The following LMAN1 variants were observed in gnomAD, a reference collection of about 807,000 sequenced individuals.
The protein encoded by LMAN1 is lectin, mannose binding 1.
A neutral mutation model predicts 67.8 loss-of-function variants in LMAN1; 32 were observed. The ratio of observed to expected loss-of-function variants is 0.47; its 90% CI spans 0.36 to 0.63. LMAN1 has a LOEUF of 0.63. Among genes scored for constraint, LMAN1 ranks in the 30% least tolerant of loss-of-function variants. LMAN1 has a pLI of 0.00. For missense variants in LMAN1, 632 were observed against 628.2 expected (o/e 1.01, Z -0.06); for synonymous variants, 235 against 219.3 (o/e 1.07, Z -0.63).
intron 8 of LMAN1, among the ~76,000 whole-genome samples, chr18:59,339,515 G>C (rs1908239409): frequency 6.6e-6 from 1 of 152,076 alleles, no homozygotes; most frequent in Non-Finnish European, 1.5e-5. Flanking sequence ...AGAAACCTCT[G>C]ACCCACTAGG....
Position 59,354,515 on chromosome 18 carries a change from T to G in LMAN1, c.539+4A>C. 6.9e-7 allele frequency: 1 copy of G among 1,453,320 alleles called. No homozygotes were observed. The highest frequency in any genetic ancestry group is 1.1e-5 in the South Asian group (1 of 87,472). 90.0% of individuals were successfully genotyped at this position (1,453,320 alleles called of 1,614,324 possible). On this transcript the variant is annotated splice_donor_region_variant and intron_variant, in intron 4 of 12. Transcript: ENST00000251047. ...CAGGAGTAATGTAAAAAACACACAC[T>G]TACTTTTGATGGTCATAATGGATTT...
rs545472225 is a variant in LMAN1, at chr18:59,334,633, T to C, written c.1221-1389A>G. On this transcript the variant is annotated intron_variant, in intron 10 of 12. Coordinates refer to ENST00000251047, the MANE Select transcript of LMAN1 (RefSeq NM_005570.4). ...CTAAATGGAAGCAGAGGCCAAAGAA[T>C]ACCAGGAGTGAATGGTGTATCAGAA... is the stretch of plus-strand genomic sequence containing the variant. 3.9e-5 allele frequency among the ~76,000 whole-genome samples: 6 copies of C among 152,292 alleles called. No homozygotes were observed. In the South Asian group the frequency reaches 1.2e-3, roughly 32 times the overall value.
rs567534318 is a variant in LMAN1, at chr18:59,338,834, G to A, written c.1075C>T (p.Gln359Ter). Residue 359 changes from glutamine (Q) to a stop codon, truncating the protein, a stop_gained, in exon 9 of 13, where the codon CAG (glutamine) becomes TAG (stop). Transcript: ENST00000251047. LOFTEE classifies it high-confidence loss of function. Reference protein sequence around the residue: ...NRQLDMILDEQRRYVSSLTEE... With the variant: ...NRQLDMILDE ...GTTAAGGAAGAGACATATCTTCTCT[G>A]TTCATCAAGAATCATATCTAACTGC... The A allele has an allele frequency of 6.2e-7, 1 of 1,613,880 alleles. No homozygotes were observed. Among genetic ancestry groups the A allele is most frequent in the Non-Finnish European group, 8.5e-7 (1 of 1,179,934 alleles).
At chr18:59,331,225 G>T in intron 12 of LMAN1, 96 bp from the exon 13 acceptor site, 2 of 1,140,386 alleles carry the variant, frequency 1.8e-6, no homozygotes, top group African/African-American at 1.5e-5. Flanking sequence ...AATGCCTTTT[G>T]AAGTATACAA....
chr18:59,351,772 A>G (rs1344038551), intron 5 of LMAN1, among the ~76,000 whole-genome samples: 6 of 152,202 alleles, frequency 3.9e-5, no homozygotes, highest in Admixed American at 3.3e-4. Flanking sequence ...TGCACCCACC[A>G]TGCTTGATGT....
At chr18:59,342,728 G>A (rs1025800573) in intron 8 of LMAN1, among the ~76,000 whole-genome samples, 1 of 151,920 alleles carries the variant, frequency 6.6e-6, no homozygotes, top group African/African-American at 2.4e-5. Context: ...TTCCCTTTAA[G>A]AACTGGAACA....
chr18:59,353,099 G>T, intron 5 of LMAN1, 103 bp downstream of exon 5: 1 of 989,584 alleles, frequency 1.0e-6, no homozygotes, highest in Non-Finnish European at 1.6e-6. Context: ...GAGTATGTAA[G>T]CATATCCAAA....
intron 10 of LMAN1, among the ~76,000 whole-genome samples, chr18:59,337,182 T>C (rs1257344490): frequency 1.3e-5 from 2 of 148,366 alleles, no homozygotes; most frequent in Non-Finnish European, 3.0e-5. Context: ...AATTATATTA[T>C]ATAACATATT....
rs1005023171 is a variant in LMAN1, at chr18:59,330,016, A to G, written c.*1077T>C. Reference sequence around the variant, plus strand: ...CTGACATTTCAAGGTTAAGTTTACTAACAAGTGCTTCACAATGTCCTTAGT... The same window carrying G: ...CTGACATTTCAAGGTTAAGTTTACTGACAAGTGCTTCACAATGTCCTTAGT... On this transcript the variant is annotated 3_prime_UTR_variant, in exon 13 of 13. Coordinates refer to ENST00000251047, the MANE Select transcript of LMAN1 (RefSeq NM_005570.4). 1 of 152,230 alleles carries G rather than the reference A, an allele frequency of 6.6e-6. No homozygotes were observed. Among genetic ancestry groups the G allele is most frequent in the Non-Finnish European group, 1.5e-5 (1 of 68,002 alleles). The allele number at this position is 152,230 out of a possible 1,614,324, so 9.4% of individuals were successfully genotyped here.
chr18:59,341,043 T>C (rs1302145058), intron 8 of LMAN1, among the ~76,000 whole-genome samples: 1 of 151,716 alleles, frequency 6.6e-6, no homozygotes, highest in African/African-American at 2.4e-5. Context: ...TCCAAGCAAA[T>C]GGAAACCAAA....
intron 10 of LMAN1, among the ~76,000 whole-genome samples, chr18:59,337,976 C>A (rs924607950): frequency 2.2e-4 from 34 of 152,146 alleles, no homozygotes; most frequent in African/African-American, 6.5e-4. Flanking sequence ...GCATTGAAAG[C>A]TATTAATTAT....
intron 10 of LMAN1, among the ~76,000 whole-genome samples, chr18:59,333,958 A>G (rs1908086870): frequency 6.6e-6 from 1 of 152,220 alleles, no homozygotes; most frequent in Non-Finnish European, 1.5e-5. Flanking sequence ...AGCAGTGAAG[A>G]CTTAAAAGTA....
At position 59,331,153 on chromosome 18, in the gene LMAN1, C is replaced by T. The variant is rs757380344; in HGVS notation, c.1497-24G>A. On this transcript the variant is annotated intron_variant, in intron 12 of 12. Transcript: ENST00000251047. ...ACCTAATGAAAAAAAGAAACAAACA[C>T]TTAAAGAAGTTCTATACGCTTAACT... 6 of 1,603,882 alleles carry T rather than the reference C, an allele frequency of 3.7e-6. No homozygotes were observed. The South Asian group carries it at 6.7e-5, about 18-fold the overall frequency.
intron 3 of LMAN1, 37 bp downstream of exon 3, chr18:59,355,276 G>A (rs1252849851): frequency 7.7e-6 from 11 of 1,430,912 alleles, no homozygotes; most frequent in Non-Finnish European, 1.1e-5. Context: ...GTTGATAGAT[G>A]TATTAAAGTG....
chr18:59,334,232 A>G (rs1376248003), intron 10 of LMAN1, among the ~76,000 whole-genome samples: 1 of 152,212 alleles, frequency 6.6e-6, no homozygotes, highest in Non-Finnish European at 1.5e-5. Flanking sequence ...TTAATATACC[A>G]AAGATTGAGT....
intron 10 of LMAN1, among the ~76,000 whole-genome samples, chr18:59,335,232 G>A (rs1332770877): frequency 1.3e-5 from 2 of 151,996 alleles, no homozygotes; most frequent in Non-Finnish European, 2.9e-5. Context: ...TCAGGAGTTC[G>A]AGACCAGCCT....
chr18:59,354,582 T>TA lies in LMAN1; in HGVS notation c.478-3dup, dbSNP rs775489956. On this transcript the variant is annotated splice_region_variant and splice_polypyrimidine_tract_variant and intron_variant, in intron 3 of 12. Transcript: ENST00000251047. ...AATTACTATAGCAGGATTATTTTTC[T>TA]AAAAAAAAGGAAAACATTTTAAAAA... 8.5e-5 allele frequency: 118 copies of TA among 1,382,290 alleles called. No homozygotes were observed. Among genetic ancestry groups the TA allele is most frequent in the Non-Finnish European group, 1.0e-4 (98 of 973,836 alleles). 85.6% of individuals were successfully genotyped at this position (1,382,290 alleles called of 1,614,324 possible). A position where few individuals can be genotyped will look rare whatever the true frequency, so the allele number is the denominator to read the frequency against.
At chr18:59,334,406 G>C (rs894534438) in intron 10 of LMAN1, among the ~76,000 whole-genome samples, 1 of 152,186 alleles carries the variant, frequency 6.6e-6, no homozygotes, top group Non-Finnish European at 1.5e-5. Flanking sequence ...AAAGCAACGT[G>C]ACAGAAGCAC....
At chr18:59,345,864 G>C in intron 8 of LMAN1, 55 bp downstream of exon 8, 1 of 1,607,900 alleles carries the variant, frequency 6.2e-7, no homozygotes, top group Non-Finnish European at 8.5e-7. Context: ...AAGCGTCCAT[G>C]ATCAACAGCC....
Sources: allele counts gnomAD v4.1 joint callset (sites outside exome capture counted in the v4.1 genomes callset), GRCh38; gene constraint gnomAD v4.1.1; transcripts MANE v1.5; gene names NCBI Gene and HGNC (gene_info 2026-07-23, HGNC 2026-07-21).